The following DPP10 variants were observed in gnomAD, a reference collection of about 807,000 sequenced individuals.
DPP10 encodes dipeptidyl peptidase like 10.
DPP10 carries 33 observed loss-of-function variants against 120.9 expected under a neutral mutation model. That is an observed-to-expected ratio of 0.27 (90% CI 0.21 to 0.37). The LOEUF (loss-of-function observed/expected upper bound fraction) is 0.37, where lower values mean the gene tolerates loss of function less well. Ranked by LOEUF, DPP10 falls within the 10% of genes least tolerant of loss-of-function variation. The probability of loss-of-function intolerance (pLI) is 1.00; values close to 1 mark genes in which losing one functional copy is unlikely to be tolerated. For synonymous variants in DPP10, 337 were observed against 326.1 expected, an observed-to-expected ratio of 1.03 and a Z score of -0.36; for missense variants, 816 against 942.8, an observed-to-expected ratio of 0.87 and a Z score of 1.76.
At chr2:114,485,893 A>G (rs1469870280) in intron 1 of DPP10, among the ~76,000 whole-genome samples, 1 of 152,124 alleles carries the variant, frequency 6.6e-6, no homozygotes, top group African/African-American at 2.4e-5. Flanking sequence ...CGTGCCTGAG[A>G]TGAAAATATT....
intron 1 of DPP10, among the ~76,000 whole-genome samples, chr2:114,735,207 G>A (rs189322749): frequency 1.6e-4 from 25 of 152,160 alleles, no homozygotes; most frequent in African/African-American, 6.0e-4. Flanking sequence ...TATTTACTTT[G>A]CTGTTATCCA....
chr2:114,801,836 G>T (rs1684277771), intron 1 of DPP10, among the ~76,000 whole-genome samples: 1 of 152,054 alleles, frequency 6.6e-6, no homozygotes, highest in Non-Finnish European at 1.5e-5. Context: ...CTGTCCAGAT[G>T]CTTGGATTCA....
At chr2:115,311,233 C>G (rs1055161183) in intron 2 of DPP10, among the ~76,000 whole-genome samples, 2 of 152,186 alleles carry the variant, frequency 1.3e-5, no homozygotes, top group African/African-American at 4.8e-5. Context: ...CTTTACTCAT[C>G]TGCATGATGG....
At chr2:114,546,985 G>A (rs1687459436) in intron 1 of DPP10, among the ~76,000 whole-genome samples, 1 of 152,110 alleles carries the variant, frequency 6.6e-6, no homozygotes, top group Admixed American at 6.5e-5. Context: ...GCTCTGGAAG[G>A]CAACATGATT....
intron 1 of DPP10, among the ~76,000 whole-genome samples, chr2:115,257,639 A>T (rs2059062567): frequency 6.6e-6 from 1 of 152,198 alleles, no homozygotes; most frequent in Admixed American, 6.5e-5. Flanking sequence ...ATATTTGGAG[A>T]GGCCATATAT....
In DPP10 at chr2:115,811,970, A is replaced by C. The variant is rs537106069; in HGVS notation, c.1701-2823A>C. Among the ~76,000 whole-genome samples the C allele has an allele frequency of 2.0e-5, 3 of 152,342 alleles. No homozygotes were observed. In the South Asian group the frequency reaches 6.2e-4, roughly 32 times the overall value. On this transcript the variant is annotated intron_variant, in intron 19 of 25. Transcript: ENST00000410059. ...ATTTTCTTCAAGTAAAAGAATAAAA[A>C]ACAGTTGTTATTGTCCTATAAATCT...
intron 2 of DPP10, among the ~76,000 whole-genome samples, chr2:115,329,339 G>T (rs34720657): frequency 0.037 from 5,622 of 151,994 alleles, 135 homozygotes; most frequent in South Asian, 0.08. Flanking sequence ...AACATTCATT[G>T]GATGATTGTC....
At chr2:115,397,957 TGTGAGAGTC>T (rs1459096281) in intron 3 of DPP10, among the ~76,000 whole-genome samples, 2 of 152,136 alleles carry the variant, frequency 1.3e-5, no homozygotes, top group African/African-American at 4.8e-5. Flanking sequence ...CTGGGTTTAG[TGTGAGAGTC>T]GATACGGCAA....
chr2:114,974,686 C>T (rs1000385092), intron 1 of DPP10, among the ~76,000 whole-genome samples: 4 of 151,942 alleles, frequency 2.6e-5, no homozygotes, highest in Non-Finnish European at 5.9e-5. Context: ...GGATTACAGG[C>T]GTGAGCCACT....
Position 114,658,353 on chromosome 2 carries a change from G to A in DPP10, c.60+215515G>A, listed in dbSNP as rs571493911. Among the ~76,000 whole-genome samples the A allele has an allele frequency of 2.0e-5, 3 of 152,294 alleles. No homozygotes were observed. In the East Asian group the frequency reaches 5.8e-4, roughly 29 times the overall value. Reference sequence around the variant, plus strand: ...GGACCTGTTGAGAGGACAATGATAAGCTGTCTTGGCTAAAAGATAGGAGAT... The same window carrying A: ...GGACCTGTTGAGAGGACAATGATAAACTGTCTTGGCTAAAAGATAGGAGAT... On this transcript the variant is annotated intron_variant, in intron 1 of 25. Transcript: ENST00000410059.
At chr2:115,560,161 A>G (rs541514462) in intron 5 of DPP10, among the ~76,000 whole-genome samples, 96 of 150,334 alleles carry the variant, frequency 6.4e-4, no homozygotes, top group Middle Eastern at 3.5e-3. Context: ...ACGAGGTCAA[A>G]AGATCGAGAC....
chr2:114,844,963 G>A (rs944254771), intron 1 of DPP10, among the ~76,000 whole-genome samples: 1 of 152,096 alleles, frequency 6.6e-6, no homozygotes, highest in African/African-American at 2.4e-5. Context: ...GTCATGAAAA[G>A]TAGTAATATT....
chr2:115,790,633 G>A (rs1274048153), intron 17 of DPP10, among the ~76,000 whole-genome samples: 1 of 151,996 alleles, frequency 6.6e-6, no homozygotes, highest in Non-Finnish European at 1.5e-5. Context: ...ATGTATTTCA[G>A]ATTCTGCAGT....
chr2:114,914,853 C>T lies in DPP10; in HGVS notation c.61-394386C>T, dbSNP rs532525592. ...TAGGCTCCAAATAAAGAAATGGGGCCGGGCGCGGTGGCTCACGCCTGTAAT... is the reference window on the plus strand; with the variant it reads ...TAGGCTCCAAATAAAGAAATGGGGCTGGGCGCGGTGGCTCACGCCTGTAAT... On this transcript the variant is annotated intron_variant, in intron 1 of 25. Transcript: ENST00000410059. 4.6e-5 allele frequency among the ~76,000 whole-genome samples: 7 copies of T among 152,266 alleles called. No homozygotes were observed. In the South Asian group the frequency reaches 6.2e-4, roughly 14 times the overall value.
chr2:115,392,789 A>G (rs946690653), intron 3 of DPP10, among the ~76,000 whole-genome samples: 3 of 152,178 alleles, frequency 2.0e-5, no homozygotes, highest in Non-Finnish European at 2.9e-5. Flanking sequence ...CTTTATATTC[A>G]TAGTCATCAT....
chr2:114,727,408 C>G (rs940030916), intron 1 of DPP10, among the ~76,000 whole-genome samples: 1 of 152,142 alleles, frequency 6.6e-6, no homozygotes, highest in African/African-American at 2.4e-5. Flanking sequence ...TTCTCCAATG[C>G]TCATTTAGTT....
At chr2:115,599,811 T>C (rs2083210411) in intron 5 of DPP10, among the ~76,000 whole-genome samples, 1 of 152,122 alleles carries the variant, frequency 6.6e-6, no homozygotes, top group Admixed American at 6.6e-5. Context: ...TGGCAGGCAA[T>C]TTACTTACTG....
Position 114,871,125 on chromosome 2 carries a change from C to T in DPP10, c.60+428287C>T, listed in dbSNP as rs1204182820. On this transcript the variant is annotated intron_variant, in intron 1 of 25. Transcript: ENST00000410059. ...TCCTTCAGAGAAGGCTGGTATTTAC[C>T]CTCTAGCTTTCCCGATTTGAACTAC... Among the ~76,000 whole-genome samples the T allele has an allele frequency of 6.0e-5, 8 of 134,068 alleles. 2 individuals carry two copies. The highest frequency in any genetic ancestry group is 4.7e-4 in the Admixed American group (6 of 12,688). The allele number at this position is 134,068 out of a possible 152,430, so 88.0% of individuals were successfully genotyped here. A position where few individuals can be genotyped will look rare whatever the true frequency, so the allele number is the denominator to read the frequency against.
chr2:115,466,455 A>G (rs574887093), intron 3 of DPP10, among the ~76,000 whole-genome samples: 2 of 152,292 alleles, frequency 1.3e-5, no homozygotes, highest in Admixed American at 6.5e-5. Context: ...GTCTGATTTG[A>G]TGTATTAATT....
Sources: allele counts gnomAD v4.1 joint callset (sites outside exome capture counted in the v4.1 genomes callset), GRCh38; gene constraint gnomAD v4.1.1; transcripts MANE v1.5; gene names NCBI Gene and HGNC (gene_info 2026-07-23, HGNC 2026-07-21).